The following ESRRG variants were observed in gnomAD, a reference collection of about 807,000 sequenced individuals.
ESRRG encodes estrogen related receptor gamma, also known as estrogen-related receptor gamma.
In ESRRG, 13 loss-of-function variants were observed where a neutral mutation model predicts 44.0. That is an observed-to-expected ratio of 0.30 (90% CI 0.19 to 0.47). The LOEUF (loss-of-function observed/expected upper bound fraction) is 0.47. Ranked by LOEUF, ESRRG falls within the 20% of genes least tolerant of loss-of-function variation. The pLI is 1.00. For missense variants in ESRRG, 395 were observed against 580.6 expected, an observed-to-expected ratio of 0.68 and a Z score of 3.29; for synonymous variants, 215 against 214.6, an observed-to-expected ratio of 1.00 and a Z score of -0.02.
intron 2 of ESRRG, among the ~76,000 whole-genome samples, chr1:216,809,343 A>C (rs1359057141): frequency 1.3e-5 from 2 of 151,118 alleles, no homozygotes; most frequent in African/African-American, 4.9e-5. Context: ...AAAAAAAAAA[A>C]AAAACCCCAT....
chr1:217,003,606 T>G (rs1447855765), intron 1 of ESRRG, among the ~76,000 whole-genome samples: 1 of 149,598 alleles, frequency 6.7e-6, no homozygotes, highest in Non-Finnish European at 1.5e-5. Context: ...AATATTAATA[T>G]TAATACTAAC....
At chr1:216,618,537 G>A (rs901042258) in intron 3 of ESRRG, among the ~76,000 whole-genome samples, 2 of 152,058 alleles carry the variant, frequency 1.3e-5, no homozygotes, top group Admixed American at 6.5e-5. Context: ...TGTATATAAC[G>A]ATTCAGACAT....
intron 1 of ESRRG, among the ~76,000 whole-genome samples, chr1:217,031,861 T>C (rs887867506): frequency 1.3e-5 from 2 of 152,222 alleles, no homozygotes; most frequent in Non-Finnish European, 1.5e-5. Flanking sequence ...TCCACCATGA[T>C]TGGAAGTTTC....
chr1:216,983,402 T>C (rs1042053811), intron 1 of ESRRG, among the ~76,000 whole-genome samples: 26 of 151,978 alleles, frequency 1.7e-4, no homozygotes, highest in Non-Finnish European at 1.8e-4. Context: ...TGGCTAACTT[T>C]TGTATTTTTT....
intron 1 of ESRRG, among the ~76,000 whole-genome samples, chr1:217,026,910 CACAGAGAGAGAGAG>C (rs1354421858): frequency 3.9e-4 from 38 of 97,254 alleles, no homozygotes; most frequent in African/African-American, 1.4e-3. Flanking sequence ...CACACACACA[CACAGAGAGAGAGAG>C]AGAGAGAGAG....
At chr1:216,896,120 A>C (rs1489129415) in intron 2 of ESRRG, among the ~76,000 whole-genome samples, 1 of 152,190 alleles carries the variant, frequency 6.6e-6, no homozygotes, top group African/African-American at 2.4e-5. Flanking sequence ...TCCCAAATAA[A>C]GTTTATGCAA....
chr1:216,852,768 G>A (rs941575560), intron 2 of ESRRG, among the ~76,000 whole-genome samples: 2 of 152,132 alleles, frequency 1.3e-5, no homozygotes, highest in African/African-American at 2.4e-5. Context: ...CTAATCCAAA[G>A]TCCAGACATT....
chr1:217,024,356 T>TA lies in ESRRG; in HGVS notation c.-106+65150dup, dbSNP rs34483403. ...CTGAGCGACAGAGCAAGAGTCCATT[T>TA]AAAAAAAAAAAAAAAATTAGAGCAC... On this transcript the variant is annotated intron_variant, in intron 1 of 7. Transcript: ENST00000359162. Among the ~76,000 whole-genome samples the TA allele has an allele frequency of 9.2e-3, 1,311 of 142,718 alleles. 17 individuals are homozygous for TA. Among genetic ancestry groups the TA allele is most frequent in the African/African-American group, 0.025 (950 of 38,732 alleles). The allele number at this position is 142,718 out of a possible 152,430, so 93.6% of individuals were successfully genotyped here.
chr1:216,886,284 C>T (rs964184735), intron 2 of ESRRG, among the ~76,000 whole-genome samples: 3 of 152,124 alleles, frequency 2.0e-5, no homozygotes, highest in African/African-American at 4.8e-5. Context: ...ATTTTCTCTC[C>T]GTATACCTAA....
intron 2 of ESRRG, among the ~76,000 whole-genome samples, chr1:216,884,503 T>C (rs939971415): frequency 2.6e-5 from 4 of 152,206 alleles, no homozygotes; most frequent in Non-Finnish European, 4.4e-5. Context: ...CTTAGGCTTC[T>C]CGTGGGTTCA....
chr1:216,562,570 G>T (rs1375128444), intron 5 of ESRRG, among the ~76,000 whole-genome samples: 3 of 151,986 alleles, frequency 2.0e-5, no homozygotes, highest in Non-Finnish European at 2.9e-5. Context: ...CACAATTCAG[G>T]GGTGCTACTG....
At chr1:217,131,331 A>C (rs547395016) in intron 1 of ESRRG, among the ~76,000 whole-genome samples, 1 of 149,512 alleles carries the variant, frequency 6.7e-6, no homozygotes, top group Non-Finnish European at 1.5e-5. Flanking sequence ...CAAATAGCAA[A>C]GAAAAAAAAA....
At chr1:217,032,032 T>TC (rs1244235058) in intron 1 of ESRRG, among the ~76,000 whole-genome samples, 1 of 152,212 alleles carries the variant, frequency 6.6e-6, no homozygotes, top group Non-Finnish European at 1.5e-5. Context: ...TGTGGAATTT[T>TC]CCCCTTGCTA....
chr1:216,504,255 A>G lies in ESRRG; in HGVS notation c.*2684T>C, dbSNP rs2040839583. The G allele has an allele frequency of 6.6e-6, 1 of 152,142 alleles. No homozygotes were observed. The highest frequency in any genetic ancestry group is 1.5e-5 in the Non-Finnish European group (1 of 67,988). 9.4% of individuals were successfully genotyped at this position (152,142 alleles called of 1,614,324 possible). A position where few individuals can be genotyped will look rare whatever the true frequency, so the allele number is the denominator to read the frequency against. ...ATAGTAGCAACTTAAACCCTGCACA[A>G]ACTTTCTGGAAAATAATCTTTTTAA... On this transcript the variant is annotated 3_prime_UTR_variant, in exon 7 of 7. Coordinates refer to ENST00000408911, the MANE Select transcript of ESRRG (RefSeq NM_001438.4).
intron 5 of ESRRG, among the ~76,000 whole-genome samples, chr1:216,532,348 C>T (rs1203182945): frequency 1.3e-5 from 2 of 152,148 alleles, no homozygotes; most frequent in East Asian, 3.9e-4. Flanking sequence ...GGGGATCAAG[C>T]CGCTGCTTGG....
intron 2 of ESRRG, among the ~76,000 whole-genome samples, chr1:216,827,542 T>C (rs1173708256): frequency 6.6e-6 from 1 of 152,210 alleles, no homozygotes; most frequent in Non-Finnish European, 1.5e-5. Context: ...CGTATGCAAG[T>C]GAAGTTCTTT....
chr1:216,797,255 A>G (rs1244073515), intron 2 of ESRRG, among the ~76,000 whole-genome samples: 1 of 152,136 alleles, frequency 6.6e-6, no homozygotes, highest in Non-Finnish European at 1.5e-5. Flanking sequence ...ATATTGATAC[A>G]TTATTATTAA....
chr1:217,136,698 A>G (rs2093055021), intron 1 of ESRRG, among the ~76,000 whole-genome samples: 2 of 152,096 alleles, frequency 1.3e-5, no homozygotes, highest in African/African-American at 4.8e-5. Flanking sequence ...CCTTTTGGCC[A>G]GGCCGGATTG....
At chr1:216,928,182 T>G (rs1226126757) in intron 2 of ESRRG, among the ~76,000 whole-genome samples, 1 of 152,188 alleles carries the variant, frequency 6.6e-6, no homozygotes, top group Non-Finnish European at 1.5e-5. Context: ...TCTCCCTGCA[T>G]GAAATTTGTA....
Sources: gnomAD v4.1 joint callset for allele counts (sites outside exome capture counted in the v4.1 genomes callset) on GRCh38, gnomAD v4.1.1 for gene constraint, MANE v1.5 for transcripts, NCBI Gene and HGNC (gene_info 2026-07-23, HGNC 2026-07-21) for gene names.